Variants in TRIOBP observed in about 807,000 individuals in gnomAD.
TRIOBP encodes TRIO and F-actin-binding protein.
A neutral mutation model predicts 238.8 loss-of-function variants in TRIOBP; 169 were observed. The ratio of observed to expected loss-of-function variants is 0.71; its 90% confidence interval spans 0.62 to 0.80. The LOEUF (loss-of-function observed/expected upper bound fraction) is 0.80. Ranked by LOEUF, TRIOBP falls within the 30% of genes least tolerant of loss-of-function variation. The pLI is 0.00. For missense variants in TRIOBP, 2,838 were observed against 3,122.6 expected, an observed-to-expected ratio of 0.91 and a Z score of 2.17; for synonymous variants, 1,150 against 1,274.4, an observed-to-expected ratio of 0.90 and a Z score of 2.08.
In TRIOBP at chr22:37,720,000, C is replaced by CCT. The variant is rs1923747483; in HGVS notation, c.629-3185_629-3184insCT. ...ACTGTTTCACTCATCCCCCCCCGCC[C>CCT]TTTTTTTTTTTTTTTTTTTTTTTTT... is the stretch of plus-strand genomic sequence containing the variant. On this transcript the variant is annotated intron_variant, in intron 6 of 23. Coordinates refer to ENST00000644935, the MANE Select transcript of TRIOBP (RefSeq NM_001039141.3). Among the ~76,000 whole-genome samples, 12 of 54,400 alleles carry CCT rather than the reference C, an allele frequency of 2.2e-4. 1 individual carries two copies. Among genetic ancestry groups the CCT allele is most frequent in the African/African-American group, 8.4e-4 (11 of 13,118 alleles). 35.7% of individuals were successfully genotyped at this position (54,400 alleles called of 152,430 possible). A position where few individuals can be genotyped will look rare whatever the true frequency, so the allele number is the denominator to read the frequency against.
At chr22:37,772,907 A>T (rs1377818765) in intron 23 of TRIOBP, 143 bp downstream of exon 23, 1 of 1,049,762 alleles carries the variant, frequency 9.5e-7, no homozygotes, top group East Asian at 2.6e-5. Context: ...TGAAACCAGC[A>T]ACACGGGGTT....
In TRIOBP at chr22:37,772,737, C is replaced by T. The variant is rs750498327; in HGVS notation, c.7073C>T (p.Ser2358Leu). The change falls in exon 23 of 24, where the codon TCG (serine) becomes TTG (leucine). Residue 2358 changes from serine to leucine, a missense_variant. By Grantham distance (145) the Ser-to-Leu change is moderately radical (BLOSUM62 -2). Coordinates refer to ENST00000644935, the MANE Select transcript of TRIOBP (RefSeq NM_001039141.3). Reference protein sequence around the residue: ...LAMAALQEKESMRNSLAE With the variant: ...LAMAALQEKELMRNSLAE ...ATGGCCGCCCTCCAGGAGAAGGAGT[C>T]GATGCGCAACAGCCTGGCTGAGTAG... is the stretch of plus-strand genomic sequence containing the variant. The T allele has an allele frequency of 1.9e-6, 3 of 1,613,746 alleles. No homozygotes were observed. Among genetic ancestry groups the T allele is most frequent in the East Asian group, 4.5e-5 (2 of 44,880 alleles).
At chr22:37,722,543 A>C (rs1340664894) in intron 6 of TRIOBP, among the ~76,000 whole-genome samples, 1 of 150,484 alleles carries the variant, frequency 6.6e-6, no homozygotes, top group African/African-American at 2.5e-5. Flanking sequence ...CCTGGCCAAC[A>C]TGGTGAAACC....
intron 2 of TRIOBP, among the ~76,000 whole-genome samples, chr22:37,699,326 C>T (rs984769113): frequency 3.3e-5 from 5 of 152,024 alleles, no homozygotes; most frequent in Admixed American, 2.0e-4. Context: ...GGGACCTGTG[C>T]GAGTTGGCAG....
At chr22:37,756,018 T>A (rs929643082) in intron 15 of TRIOBP, among the ~76,000 whole-genome samples, 7 of 152,088 alleles carry the variant, frequency 4.6e-5, no homozygotes, top group Non-Finnish European at 1.0e-4. Flanking sequence ...CCTCCCGGGA[T>A]GGGGAGCTCA....
chr22:37,737,069 TAA>T (rs1924707332), intron 9 of TRIOBP, among the ~76,000 whole-genome samples: 1 of 152,212 alleles, frequency 6.6e-6, no homozygotes, highest in Non-Finnish European at 1.5e-5. Context: ...GAAGCAGGGA[TAA>T]GTCAGCTCGT....
chr22:37,753,512 C>A (rs1292216467), intron 12 of TRIOBP, among the ~76,000 whole-genome samples: 5 of 152,212 alleles, frequency 3.3e-5, no homozygotes, highest in Non-Finnish European at 1.5e-5. Context: ...CTCCTGACCT[C>A]AGATGATCCA....
At chr22:37,758,658 A>G (rs903210612) in intron 16 of TRIOBP, among the ~76,000 whole-genome samples, 1 of 151,696 alleles carries the variant, frequency 6.6e-6, no homozygotes, top group East Asian at 1.9e-4. Context: ...CAGTCTGGCA[A>G]TAGAGCCCGA....
Position 37,732,509 on chromosome 22 carries a change from CAA to C in TRIOBP, c.3948-770_3948-769del, listed in dbSNP as rs36003951. Among the ~76,000 whole-genome samples, 367 of 99,834 alleles carry C rather than the reference CAA, an allele frequency of 3.7e-3. 1 individual carries two copies. Among genetic ancestry groups the C allele is most frequent in the African/African-American group, 0.013 (322 of 25,300 alleles). 65.5% of individuals were successfully genotyped at this position (99,834 alleles called of 152,430 possible). ...TGGGTGACAGAGCGAGACTCCATCT[CAA>C]AAAAAAAAAAAAAAAAAAGACACTT... On this transcript the variant is annotated intron_variant, in intron 7 of 23. Transcript: ENST00000644935.
chr22:37,734,108 G>A (rs1924547072), intron 8 of TRIOBP, among the ~76,000 whole-genome samples: 1 of 152,214 alleles, frequency 6.6e-6, no homozygotes, highest in Non-Finnish European at 1.5e-5. Context: ...TATTGGTGGT[G>A]GAGGTTCTGG....
At position 37,771,750 on chromosome 22, in the gene TRIOBP, C is replaced by T; in HGVS notation, c.6936+14C>T. The T allele has an allele frequency of 6.2e-7, 1 of 1,613,770 alleles. No homozygotes were observed. Among genetic ancestry groups the T allele is most frequent in the South Asian group, 1.1e-5 (1 of 91,078 alleles). The stretch of plus-strand genomic sequence containing the variant: ...ATGATGCAGAAGGTAGGTCCTTCCG[C>T]TGGGCTGGGGGCCGTCGGGGACTCT... On this transcript the variant is annotated intron_variant, in intron 22 of 23. Coordinates refer to ENST00000644935, the MANE Select transcript of TRIOBP (RefSeq NM_001039141.3).
chr22:37,735,271 A>G lies in TRIOBP; in HGVS notation c.4935A>G (p.Ala1645=), dbSNP rs371078565. ...EATPVNGHSP[A]LQSQSPVQLP... ...CCCCAGTCAATGGACACAGCCCCGC[A>G]CTGCAGTCCCAGAGCCCGGTCCAGC... Residue 1645 remains alanine, a synonymous_variant, in exon 9 of 24, where the codon GCA becomes GCG. Transcript: ENST00000644935. 3.1e-4 allele frequency: 499 copies of G among 1,609,182 alleles called. 1 individual carries two copies. The highest frequency in any genetic ancestry group is 4.1e-4 in the Non-Finnish European group (485 of 1,176,586).
chr22:37,703,147 C>T (rs1922747806), intron 3 of TRIOBP, among the ~76,000 whole-genome samples: 1 of 152,046 alleles, frequency 6.6e-6, no homozygotes, highest in Non-Finnish European at 1.5e-5. Flanking sequence ...AGGTGCCCAC[C>T]ACCATGCCCA....
At chr22:37,731,441 C>T (rs1284862451) in intron 7 of TRIOBP, among the ~76,000 whole-genome samples, 1 of 135,074 alleles carries the variant, frequency 7.4e-6, no homozygotes, top group African/African-American at 2.7e-5. Context: ...TGTACCTGGC[C>T]TCCCAACCCC....
chr22:37,708,381 T>G (rs908161134), intron 3 of TRIOBP, among the ~76,000 whole-genome samples: 1 of 151,336 alleles, frequency 6.6e-6, no homozygotes, highest in African/African-American at 2.4e-5. Flanking sequence ...CAAACCCCTG[T>G]CTCTACTAAA....
intron 3 of TRIOBP, among the ~76,000 whole-genome samples, 165 bp downstream of exon 3, chr22:37,701,644 T>C (rs529017777): frequency 6.6e-6 from 1 of 152,338 alleles, no homozygotes; most frequent in South Asian, 2.1e-4. Context: ...ACCATGTGAA[T>C]GTTTCACAAT....
In TRIOBP at chr22:37,769,046, G is replaced by A. The variant is rs544926523; in HGVS notation, c.6594G>A (p.Leu2198=). 1 of 1,613,490 alleles carries A rather than the reference G, an allele frequency of 6.2e-7. No homozygotes were observed. The highest frequency in any genetic ancestry group is 2.2e-5 in the East Asian group (1 of 44,882). ...GGGGCAGGTCAGATGTGGAGGCACTGAAGCGAGAGCTGCAGGTGCTATCGG... is the reference window on the plus strand; with the variant it reads ...GGGGCAGGTCAGATGTGGAGGCACTAAAGCGAGAGCTGCAGGTGCTATCGG... ...RKQHQSDVEA[L]KRELQVLSEQ... Residue 2198 remains leucine (L), a synonymous_variant, in exon 20 of 24, where the codon CTG becomes CTA. Transcript: ENST00000644935.
intron 10 of TRIOBP, 33 bp from the exon 11 acceptor site, chr22:37,740,862 G>A (rs1924898733): frequency 1.9e-6 from 3 of 1,559,252 alleles, no homozygotes; most frequent in South Asian, 2.4e-5. Context: ...CTGCCAAAGG[G>A]ACCTGGGGCC....
chr22:37,713,130 G>A, intron 4 of TRIOBP, 80 bp from the exon 5 acceptor site: 1 of 1,322,012 alleles, frequency 7.6e-7, no homozygotes. Context: ...GGCTCCCTGT[G>A]TGAGTGAGTG....
Sources: gnomAD v4.1 joint callset for allele counts (sites outside exome capture counted in the v4.1 genomes callset) on GRCh38, gnomAD v4.1.1 for gene constraint, MANE v1.5 for transcripts, NCBI Gene and HGNC (gene_info 2026-07-23, HGNC 2026-07-21) for gene names.